Variants in ADAMTS12 observed in about 807,000 individuals in gnomAD.
ADAMTS12 encodes the protein ADAM metallopeptidase with thrombospondin type 1 motif 12.
A neutral mutation model predicts 167.8 loss-of-function variants in ADAMTS12; 118 were observed. That is an observed-to-expected ratio of 0.70 (90% CI 0.61 to 0.82). The LOEUF (loss-of-function observed/expected upper bound fraction) is 0.82, where lower values mean the gene tolerates loss of function less well. ADAMTS12 is among the 40% of genes least tolerant of loss of function. ADAMTS12 has a pLI of 0.00. For missense variants in ADAMTS12, 1,916 were observed against 1,998.8 expected, an observed-to-expected ratio of 0.96 and a Z score of 0.79; for synonymous variants, 704 against 716.9, an observed-to-expected ratio of 0.98 and a Z score of 0.29.
chr5:33,682,434 C>T (rs1268883359), intron 5 of ADAMTS12, among the ~76,000 whole-genome samples: 4 of 152,122 alleles, frequency 2.6e-5, no homozygotes, highest in Middle Eastern at 3.2e-3. Flanking sequence ...CTAGGCTGGA[C>T]GTATCAATTG....
At chr5:33,760,040 A>T (rs575514686) in intron 2 of ADAMTS12, among the ~76,000 whole-genome samples, 2 of 152,264 alleles carry the variant, frequency 1.3e-5, no homozygotes, top group East Asian at 3.9e-4. Context: ...AGATTCAGCA[A>T]ATCTAGCGTG....
At chr5:33,534,798 G>T (rs117277937) in intron 23 of ADAMTS12, 35 bp downstream of exon 23, 2 of 1,584,342 alleles carry the variant, frequency 1.3e-6, no homozygotes, top group South Asian at 2.4e-5. Flanking sequence ...TTTGTGCAAA[G>T]ATCTCTTTCT....
intron 2 of ADAMTS12, among the ~76,000 whole-genome samples, chr5:33,879,868 C>T (rs903840062): frequency 1.2e-4 from 18 of 152,176 alleles, no homozygotes; most frequent in Admixed American, 1.2e-3. Flanking sequence ...AGCAAAATGG[C>T]AGTAACAATG....
At chr5:33,773,648 A>T (rs558885194) in intron 2 of ADAMTS12, among the ~76,000 whole-genome samples, 1 of 152,278 alleles carries the variant, frequency 6.6e-6, no homozygotes, top group East Asian at 1.9e-4. Context: ...AAGAAGAAAG[A>T]TCATATAGAT....
intron 16 of ADAMTS12, among the ~76,000 whole-genome samples, chr5:33,612,877 G>C (rs888241572): frequency 6.6e-6 from 1 of 152,202 alleles, no homozygotes; most frequent in Non-Finnish European, 1.5e-5. Flanking sequence ...CAGAGGGTTA[G>C]TTAGCATTGT....
intron 3 of ADAMTS12, among the ~76,000 whole-genome samples, chr5:33,715,919 C>T (rs1037246594): frequency 6.6e-6 from 1 of 152,124 alleles, no homozygotes; most frequent in Non-Finnish European, 1.5e-5. Context: ...GGGACTATAA[C>T]TTTGTTTGAC....
intron 23 of ADAMTS12, among the ~76,000 whole-genome samples, chr5:33,528,938 A>G (rs1435985828): frequency 1.3e-5 from 2 of 152,122 alleles, no homozygotes; most frequent in Non-Finnish European, 2.9e-5. Flanking sequence ...CCAGCTACTC[A>G]GGAGGCTGAG....
intron 3 of ADAMTS12, among the ~76,000 whole-genome samples, chr5:33,689,033 C>T (rs1437673620): frequency 2.0e-5 from 3 of 152,214 alleles, no homozygotes; most frequent in African/African-American, 2.4e-5. Context: ...AACTGTCCCA[C>T]CTTTCTGTCA....
chr5:33,607,874 T>C (rs1038803877), intron 16 of ADAMTS12, among the ~76,000 whole-genome samples: 2 of 152,118 alleles, frequency 1.3e-5, no homozygotes, highest in African/African-American at 4.8e-5. Context: ...AGGCCAGGAA[T>C]AGATAAGAAG....
At chr5:33,830,838 T>C (rs1748271539) in intron 2 of ADAMTS12, among the ~76,000 whole-genome samples, 1 of 152,132 alleles carries the variant, frequency 6.6e-6, no homozygotes. Flanking sequence ...TATCAGTATA[T>C]GTATATACTG....
At chr5:33,848,675 T>C (rs913439666) in intron 2 of ADAMTS12, among the ~76,000 whole-genome samples, 1 of 152,164 alleles carries the variant, frequency 6.6e-6, no homozygotes, top group African/African-American at 2.4e-5. Context: ...GTTGCCCCAA[T>C]GACAACTTGC....
intron 23 of ADAMTS12, among the ~76,000 whole-genome samples, chr5:33,529,556 G>GCACTTTCA (rs1743993905): frequency 6.6e-6 from 1 of 152,156 alleles, no homozygotes; most frequent in African/African-American, 2.4e-5. Context: ...GTCAGGAAAA[G>GCACTTTCA]TAGAAATGGA....
At position 33,648,963 on chromosome 5, in the gene ADAMTS12, T is replaced by C. The variant is rs769754024; in HGVS notation, c.1338A>G (p.Arg446=). The C allele has an allele frequency of 6.2e-6, 10 of 1,613,586 alleles. No individual in the cohort carries two copies. The South Asian group carries it at 1.1e-4, about 18-fold the overall frequency. Reference sequence around the variant, plus strand: ...TGTCATCAAGACAGAACCCCCAGCCTCGGCTGAAAACAAGTTAACAGAAAT... The same window carrying C: ...TGTCATCAAGACAGAACCCCCAGCCCCGGCTGAAAACAAGTTAACAGAAAT... ...SEEYITRFLD[R]GWGFCLDDIP... The change falls in exon 9 of 24, where the codon CGA becomes CGG. Residue 446 remains arginine, a synonymous_variant. Transcript: ENST00000504830.
intron 12 of ADAMTS12, among the ~76,000 whole-genome samples, 181 bp downstream of exon 12, chr5:33,637,396 G>A (rs1006186680): frequency 1.3e-5 from 2 of 152,134 alleles, no homozygotes; most frequent in African/African-American, 4.8e-5. Flanking sequence ...AATGTATTCA[G>A]CCTTCAACAT....
intron 2 of ADAMTS12, among the ~76,000 whole-genome samples, chr5:33,798,156 A>G (rs1381786487): frequency 6.6e-6 from 1 of 152,130 alleles, no homozygotes; most frequent in Non-Finnish European, 1.5e-5. Flanking sequence ...TTCAAAGAGC[A>G]TCTACTAGAT....
rs535535730 is a variant in ADAMTS12 at position 33,593,350 on chromosome 5, A to G, written c.2654+2584T>C. 2.0e-5 allele frequency among the ~76,000 whole-genome samples: 3 copies of G among 152,314 alleles called. No homozygotes were observed. The South Asian group carries it at 6.2e-4, about 32-fold the overall frequency. ...CTAGGCAGCAGCATGGTGTAGCAGC[A>G]CATACAGAGGCAGCACAGCAAACAG... On this transcript the variant is annotated intron_variant, in intron 17 of 23. Transcript: ENST00000504830.
At chr5:33,768,618 T>C (rs1352624796) in intron 2 of ADAMTS12, among the ~76,000 whole-genome samples, 1 of 152,204 alleles carries the variant, frequency 6.6e-6, no homozygotes, top group African/African-American at 2.4e-5. Context: ...CTTAATTGTA[T>C]TATTCCAAAT....
intron 1 of ADAMTS12, among the ~76,000 whole-genome samples, chr5:33,885,952 T>A (rs1042415175): frequency 6.6e-6 from 1 of 152,178 alleles, no homozygotes; most frequent in East Asian, 1.9e-4. Flanking sequence ...AGAGAAGCAA[T>A]AGTCCCAGAT....
chr5:33,843,660 G>A (rs1024097604), intron 2 of ADAMTS12, among the ~76,000 whole-genome samples: 2 of 152,156 alleles, frequency 1.3e-5, no homozygotes, highest in Non-Finnish European at 2.9e-5. Flanking sequence ...GCGAAGGTAC[G>A]GTAGTCACCT....
Sources: gnomAD v4.1 joint callset for allele counts (sites outside exome capture counted in the v4.1 genomes callset) on GRCh38, gnomAD v4.1.1 for gene constraint, MANE v1.5 for transcripts, NCBI Gene and HGNC (gene_info 2026-07-23, HGNC 2026-07-21) for gene names.